NNT: variants seen among roughly 807,000 people sequenced by gnomAD.
NNT encodes NAD(P) transhydrogenase, mitochondrial.
Under a neutral mutation model 104.8 loss-of-function variants are expected in NNT, and 50 were observed. The ratio of observed to expected loss-of-function variants is 0.48; its 90% CI spans 0.38 to 0.60. The LOEUF is 0.60. Among genes scored for constraint, NNT ranks in the 20% least tolerant of loss-of-function variants. The pLI is 0.00. For missense variants in NNT, 1,131 were observed against 1,330.7 expected (o/e 0.85, Z 2.33); for synonymous variants, 461 against 490.4 (o/e 0.94, Z 0.79).
intron 20 of NNT, among the ~76,000 whole-genome samples, chr5:43,701,461 A>AT (rs898311312): frequency 5.9e-5 from 9 of 151,394 alleles, no homozygotes; most frequent in South Asian, 2.1e-4. Context: ...TATGTACCAT[A>AT]TTTTTTTTTA....
intron 17 of NNT, among the ~76,000 whole-genome samples, chr5:43,672,431 C>T (rs1392989322): frequency 1.3e-5 from 2 of 152,222 alleles, no homozygotes; most frequent in Non-Finnish European, 2.9e-5. Context: ...TACCTTTGGT[C>T]TTTGATGATG....
chr5:43,660,961 G>A (rs982976785), intron 17 of NNT, among the ~76,000 whole-genome samples: 4 of 152,022 alleles, frequency 2.6e-5, no homozygotes, highest in Admixed American at 6.6e-5. Context: ...TAAAAAACTC[G>A]CTTATTTTAC....
chr5:43,651,001 A>G (rs141234272), intron 12 of NNT, among the ~76,000 whole-genome samples: 3 of 152,290 alleles, frequency 2.0e-5, no homozygotes, highest in African/African-American at 4.8e-5. Context: ...ATTTGATGCT[A>G]TTTTGTAGCT....
At chr5:43,619,185 T>A in intron 5 of NNT, 66 bp downstream of exon 5, 1 of 860,888 alleles carries the variant, frequency 1.2e-6, no homozygotes, top group Non-Finnish European at 1.7e-6. Flanking sequence ...TGTATAGTCT[T>A]AAAATACAGT....
chr5:43,623,952 G>C lies in NNT; in HGVS notation c.688-80G>C. 3.1e-6 allele frequency: 4 copies of C among 1,280,584 alleles called. No homozygotes were observed. In the South Asian group the frequency reaches 4.8e-5, roughly 15 times the overall value. The allele number at this position is 1,280,584 out of a possible 1,614,324, so 79.3% of individuals were successfully genotyped here. ...ATTTATTGATGCTAAACTTATACTA[G>C]GCACCAATAATTGTTAGCTGATGAT... On this transcript the variant is annotated intron_variant, in intron 5 of 21. Transcript: ENST00000344920.
At chr5:43,612,621 T>C (rs373057964) in intron 2 of NNT, among the ~76,000 whole-genome samples, 4 of 152,120 alleles carry the variant, frequency 2.6e-5, no homozygotes, top group African/African-American at 7.2e-5. Context: ...CATTTTTTTT[T>C]CTCCTACAAA....
At chr5:43,702,494 G>A in intron 20 of NNT, 127 bp from the exon 21 acceptor site, 1 of 578,252 alleles carries the variant, frequency 1.7e-6, no homozygotes, top group Non-Finnish European at 2.8e-6. Flanking sequence ...TAAAGTGCCT[G>A]GCACAAGTGC....
intron 4 of NNT, among the ~76,000 whole-genome samples, chr5:43,618,259 C>T (rs1161889991): frequency 6.6e-6 from 1 of 152,148 alleles, no homozygotes; most frequent in Non-Finnish European, 1.5e-5. Context: ...CCTCACGACC[C>T]TAAAAGATAG....
chr5:43,635,578 C>T (rs1054788019), intron 7 of NNT, among the ~76,000 whole-genome samples: 1 of 152,122 alleles, frequency 6.6e-6, no homozygotes, highest in Non-Finnish European at 1.5e-5. Context: ...AGTGGCTTAA[C>T]CAACAGAAAT....
At position 43,632,337 on chromosome 5, in the gene NNT, G is replaced by A. The variant is rs1221816809; in HGVS notation, c.964+3950G>A. Among the ~76,000 whole-genome samples, 4 of 152,202 alleles carry A rather than the reference G, an allele frequency of 2.6e-5. No individual in the cohort carries two copies. The East Asian group carries it at 7.7e-4, about 29-fold the overall frequency. On this transcript the variant is annotated intron_variant, in intron 7 of 21. Coordinates refer to ENST00000344920, the MANE Select transcript of NNT (RefSeq NM_182977.3). ...GATTTATAGACTGAGATCCCTGGAA[G>A]GCTGGACTGAAGGCCTGGTGTGGAT...
chr5:43,605,545 A>C (rs1749173162), intron 1 of NNT, among the ~76,000 whole-genome samples: 1 of 151,192 alleles, frequency 6.6e-6, no homozygotes, highest in Non-Finnish European at 1.5e-5. Context: ...AAAAAAAAAA[A>C]AAAAAAGTTG....
chr5:43,665,008 C>G (rs986335576), intron 17 of NNT, among the ~76,000 whole-genome samples: 3 of 151,908 alleles, frequency 2.0e-5, no homozygotes, highest in Non-Finnish European at 2.9e-5. Context: ...CTCAGAGATT[C>G]TTTCCTTCTT....
chr5:43,647,316 G>A (rs1361734025), intron 10 of NNT, among the ~76,000 whole-genome samples: 1 of 152,184 alleles, frequency 6.6e-6, no homozygotes, highest in East Asian at 1.9e-4. Flanking sequence ...AACATATTAT[G>A]AGTAGGATTG....
chr5:43,700,023 C>A, intron 19 of NNT, 96 bp from the exon 20 acceptor site: 5 of 869,726 alleles, frequency 5.7e-6, no homozygotes, highest in South Asian at 1.8e-5. Context: ...AGCAGAGGTG[C>A]CAAGAACAAA....
At chr5:43,677,667 C>G in intron 18 of NNT, 58 bp from the exon 19 acceptor site, 1 of 1,450,156 alleles carries the variant, frequency 6.9e-7, no homozygotes, top group Non-Finnish European at 9.7e-7. Context: ...AGAAGTTGTA[C>G]TTCATGTAAT....
At chr5:43,695,715 GA>G (rs1742522797) in intron 19 of NNT, among the ~76,000 whole-genome samples, 1 of 152,218 alleles carries the variant, frequency 6.6e-6, no homozygotes. Context: ...ATTCACAAAA[GA>G]AGGAGGTTTA....
intron 7 of NNT, among the ~76,000 whole-genome samples, chr5:43,634,209 A>G (rs1240942161): frequency 6.6e-6 from 1 of 152,118 alleles, no homozygotes; most frequent in Non-Finnish European, 1.5e-5. Context: ...TTCCTCCAAT[A>G]TGCAAGTTCC....
At chr5:43,688,963 C>G (rs1561324818) in intron 19 of NNT, among the ~76,000 whole-genome samples, 1 of 152,186 alleles carries the variant, frequency 6.6e-6, no homozygotes. Flanking sequence ...TTTAAAGAAT[C>G]TTCACACTGT....
rs1743038185 is a variant in NNT, at chr5:43,704,884, C to T, written c.*480C>T. On this transcript the variant is annotated 3_prime_UTR_variant, in exon 22 of 22. Coordinates refer to ENST00000344920, the MANE Select transcript of NNT (RefSeq NM_182977.3). ...AAACTTTTATGAACTTCTGAGCTGTCCCCTTGCAATTCAACCGCAGTTTGA... is the reference window on the plus strand; with the variant it reads ...AAACTTTTATGAACTTCTGAGCTGTTCCCTTGCAATTCAACCGCAGTTTGA... 6.5e-6 allele frequency: 1 copy of T among 153,332 alleles called. No homozygotes were observed. The allele number at this position is 153,332 out of a possible 1,614,324, so 9.5% of individuals were successfully genotyped here.
Sources: gnomAD v4.1 joint callset for allele counts (sites outside exome capture counted in the v4.1 genomes callset) on GRCh38, gnomAD v4.1.1 for gene constraint, MANE v1.5 for transcripts, NCBI Gene and HGNC (gene_info 2026-07-23, HGNC 2026-07-21) for gene names.